The following DIAPH2 variants were observed in gnomAD, a reference collection of about 807,000 sequenced individuals.
DIAPH2 encodes diaphanous related formin 2.
A neutral mutation model predicts 92.7 loss-of-function variants in DIAPH2; 35 were observed. That is an observed-to-expected ratio of 0.38 (90% CI 0.29 to 0.50). DIAPH2 has a LOEUF of 0.50. DIAPH2 is among the 20% of genes least tolerant of loss of function. The pLI is 0.94. For synonymous variants in DIAPH2, 301 were observed against 280.4 expected, an observed-to-expected ratio of 1.07 and a Z score of -0.73; for missense variants, 701 against 819.5, an observed-to-expected ratio of 0.86 and a Z score of 1.77.
intron 23 of DIAPH2, among the ~76,000 whole-genome samples, chrX:97,324,566 A>T (rs1220770126): frequency 1.8e-5 from 2 of 111,205 alleles, no homozygotes; most frequent in African/African-American, 6.5e-5. Flanking sequence ...GTTTTTTTCT[A>T]TCTAAGCTAA....
intron 24 of DIAPH2, among the ~76,000 whole-genome samples, chrX:97,377,075 G>T (rs2069508070): frequency 8.9e-6 from 1 of 111,914 alleles, no homozygotes; most frequent in Non-Finnish European, 1.9e-5. Flanking sequence ...ACAGGGTCAG[G>T]ATCATCAGTA....
intron 4 of DIAPH2, among the ~76,000 whole-genome samples, chrX:96,786,210 T>C (rs1296605996): frequency 8.9e-6 from 1 of 111,838 alleles, no homozygotes; most frequent in Non-Finnish European, 1.9e-5. Context: ...TACACTATTA[T>C]GTAGTATTAA....
At chrX:97,318,300 G>A (rs991966516) in intron 23 of DIAPH2, among the ~76,000 whole-genome samples, 5 of 107,850 alleles carry the variant, frequency 4.6e-5, no homozygotes, top group African/African-American at 1.0e-4. Context: ...CACCACACCC[G>A]GCTAATTTTT....
intron 9 of DIAPH2, among the ~76,000 whole-genome samples, chrX:96,924,472 A>T (rs1163387879): frequency 9.0e-6 from 1 of 111,340 alleles, no homozygotes; most frequent in Non-Finnish European, 1.9e-5. Flanking sequence ...CCTCCATGAT[A>T]TAAAAAGGAA....
intron 26 of DIAPH2, among the ~76,000 whole-genome samples, chrX:97,511,293 A>G (rs1436543746): frequency 1.1e-5 from 1 of 92,220 alleles, no homozygotes; most frequent in Non-Finnish European, 2.2e-5. Flanking sequence ...GAGTTCACTC[A>G]TGATTTGGCT....
At chrX:97,438,632 C>A (rs750352671) in intron 26 of DIAPH2, among the ~76,000 whole-genome samples, 1 of 109,780 alleles carries the variant, frequency 9.1e-6, no homozygotes, top group African/African-American at 3.3e-5. Context: ...CCGCCTCAGC[C>A]TATCAAATTG....
intron 1 of DIAPH2, among the ~76,000 whole-genome samples, chrX:96,717,902 C>T (rs2063962492): frequency 1.1e-5 from 1 of 94,720 alleles, no homozygotes; most frequent in Non-Finnish European, 2.1e-5. Flanking sequence ...GTATAATAAT[C>T]ACATTGGGGG....
intron 2 of DIAPH2, 35 bp downstream of exon 2, chrX:96,735,825 T>C (rs758597234): frequency 1.1e-5 from 9 of 831,006 alleles, no homozygotes; most frequent in Non-Finnish European, 1.7e-6. Flanking sequence ...ACATTACTTA[T>C]GCATGTTGCC....
chrX:96,934,763 T>A (rs1023893755), intron 10 of DIAPH2, among the ~76,000 whole-genome samples: 1 of 111,853 alleles, frequency 8.9e-6, no homozygotes, highest in African/African-American at 3.2e-5. Context: ...AAAATAGGAT[T>A]TTTTTCTGTA....
At chrX:96,875,945 G>A (rs1015086830) in intron 4 of DIAPH2, among the ~76,000 whole-genome samples, 2 of 111,046 alleles carry the variant, frequency 1.8e-5, no homozygotes, top group Non-Finnish European at 3.8e-5. Flanking sequence ...CTTCTGCACC[G>A]CAAAAGAAAC....
chrX:96,872,493 CTT>C (rs752843624), intron 4 of DIAPH2, among the ~76,000 whole-genome samples: 6 of 95,413 alleles, frequency 6.3e-5, no homozygotes, highest in Admixed American at 1.2e-4. Flanking sequence ...TTTTCTTTTT[CTT>C]TTTTTTTTTT....
intron 26 of DIAPH2, among the ~76,000 whole-genome samples, chrX:97,469,444 A>G (rs2070543064): frequency 8.9e-6 from 1 of 111,733 alleles, no homozygotes; most frequent in African/African-American, 3.2e-5. Flanking sequence ...GGCAATACGC[A>G]GTTCATTCCT....
At chrX:96,717,816 GTATATATA>G (rs61272505) in intron 1 of DIAPH2, among the ~76,000 whole-genome samples, 3,747 of 36,283 alleles carry the variant, frequency 0.1, 214 homozygotes, top group African/African-American at 0.16. Flanking sequence ...TGGGTATATA[GTATATATA>G]TATATATATA....
At chrX:97,483,651 A>T (rs760807135) in intron 26 of DIAPH2, among the ~76,000 whole-genome samples, 27 of 111,252 alleles carry the variant, frequency 2.4e-4, no homozygotes, top group Non-Finnish European at 4.3e-4. Flanking sequence ...TCTCCCTTCT[A>T]TCTTCAGTTC....
chrX:97,418,573 C>G (rs1229909835), intron 25 of DIAPH2, among the ~76,000 whole-genome samples: 1 of 111,942 alleles, frequency 8.9e-6, no homozygotes, highest in East Asian at 2.8e-4. Flanking sequence ...CAAAATGATT[C>G]CTTTCCCTCT....
At chrX:97,503,782 A>C (rs2070814253) in intron 26 of DIAPH2, among the ~76,000 whole-genome samples, 1 of 112,126 alleles carries the variant, frequency 8.9e-6, no homozygotes, top group South Asian at 3.7e-4. Context: ...GAAAATTAAG[A>C]AAATCCCAGT....
At chrX:97,278,179 T>C (rs745499067) in intron 23 of DIAPH2, among the ~76,000 whole-genome samples, 2 of 112,169 alleles carry the variant, frequency 1.8e-5, no homozygotes, top group East Asian at 5.6e-4. Flanking sequence ...TTAAAACAAA[T>C]AGACTTTAAT....
At position 96,992,692 on chromosome X, in the gene DIAPH2, C is replaced by A. The variant is rs181528578; in HGVS notation, c.2050+27485C>A. Among the ~76,000 whole-genome samples the A allele has an allele frequency of 3.6e-5, 4 of 112,388 alleles. No individual in the cohort carries two copies. In the East Asian group the frequency reaches 1.1e-3, roughly 31 times the overall value. ...TAGCAGGCAATGTGCCTTTGCTTTG[C>A]ATTTTGTATATCCAATTAATCCATG... On this transcript the variant is annotated intron_variant, in intron 17 of 26. Coordinates refer to ENST00000324765, the MANE Select transcript of DIAPH2 (RefSeq NM_006729.5).
intron 22 of DIAPH2, among the ~76,000 whole-genome samples, chrX:97,198,738 G>T (rs1253247827): frequency 9.0e-6 from 1 of 110,960 alleles, no homozygotes; most frequent in African/African-American, 3.3e-5. Flanking sequence ...TACCTGATGG[G>T]TTTAATCACA....
Sources: gnomAD v4.1 joint callset for allele counts (sites outside exome capture counted in the v4.1 genomes callset) on GRCh38, gnomAD v4.1.1 for gene constraint, MANE v1.5 for transcripts, NCBI Gene and HGNC (gene_info 2026-07-23, HGNC 2026-07-21) for gene names.